Variants in PARD3B observed in about 807,000 individuals in gnomAD.
The protein encoded by PARD3B is par-3 family cell polarity regulator beta.
Under a neutral mutation model 130.2 loss-of-function variants are expected in PARD3B, and 103 were observed. That is an observed-to-expected ratio of 0.79 (90% CI 0.67 to 0.93). PARD3B has a LOEUF of 0.93. Among genes scored for constraint, PARD3B ranks in the 40% least tolerant of loss-of-function variants. The pLI is 0.00. For synonymous variants in PARD3B, 583 were observed against 553.2 expected, an observed-to-expected ratio of 1.05 and a Z score of -0.76; for missense variants, 1,609 against 1,499.2, an observed-to-expected ratio of 1.07 and a Z score of -1.21.
chr2:205,247,875 G>A (rs1003887208), intron 16 of PARD3B, among the ~76,000 whole-genome samples: 1 of 152,134 alleles, frequency 6.6e-6, no homozygotes, highest in South Asian at 2.1e-4. Flanking sequence ...ACTCAAATAA[G>A]GTTCAAAATT....
intron 3 of PARD3B, among the ~76,000 whole-genome samples, chr2:205,039,242 G>A (rs952750400): frequency 6.6e-6 from 1 of 152,020 alleles, no homozygotes; most frequent in African/African-American, 2.4e-5. Flanking sequence ...GTATTGATGG[G>A]AGTAATAGCA....
At chr2:205,068,769 G>C (rs933930456) in intron 4 of PARD3B, among the ~76,000 whole-genome samples, 19 of 151,972 alleles carry the variant, frequency 1.3e-4, no homozygotes, top group African/African-American at 4.6e-4. Context: ...TTTGATTTCT[G>C]TTGACTTCCC....
At chr2:205,194,950 A>ATTT (rs56836818) in intron 15 of PARD3B, among the ~76,000 whole-genome samples, 3,356 of 111,026 alleles carry the variant, frequency 0.03, 160 homozygotes, top group African/African-American at 0.087. Context: ...CGCCAGGCTA[A>ATTT]TTTTTTTTTT....
Position 205,301,107 on chromosome 2 carries a change from GT to G in PARD3B, c.2393-355del, listed in dbSNP as rs1225041251. The stretch of plus-strand genomic sequence containing the variant: ...CGACTGCATTAATTGGGTAGAAGCA[GT>G]TGGGATATTTTGTACTCAAAACTCT... On this transcript the variant is annotated intron_variant, in intron 17 of 22. Transcript: ENST00000406610. This position sits in a 1 kb window ranked among gnomAD's most constrained non-coding sequence, Gnocchi z 5.2. 6.6e-6 allele frequency among the ~76,000 whole-genome samples: 1 copy of G among 152,204 alleles called. No homozygotes were observed. The highest frequency in any genetic ancestry group is 2.4e-5 in the African/African-American group (1 of 41,460).
At chr2:204,811,218 A>T (rs1296069089) in intron 2 of PARD3B, among the ~76,000 whole-genome samples, 1 of 151,942 alleles carries the variant, frequency 6.6e-6, no homozygotes, top group African/African-American at 2.4e-5. Context: ...TAATCTAGCT[A>T]GTGGCCTATC....
rs1399992378 is a variant in PARD3B, at chr2:205,160,819, T to C, written c.1620+1912T>C. Among the ~76,000 whole-genome samples the C allele has an allele frequency of 2.0e-5, 3 of 152,230 alleles. No individual in the cohort carries two copies. The highest frequency in any genetic ancestry group is 2.9e-5 in the Non-Finnish European group (2 of 68,050). On this transcript the variant is annotated intron_variant, in intron 11 of 22. Coordinates refer to ENST00000406610, the MANE Select transcript of PARD3B (RefSeq NM_001302769.2). This position sits in a 1 kb window ranked among gnomAD's most constrained non-coding sequence, Gnocchi z 4.0. ...GGAAATTACAGATTAGACCCTTTAG[T>C]GCCTTTCCTGTGGTCAGATAGCCAG...
At chr2:205,255,917 CT>C (rs1458666560) in intron 16 of PARD3B, among the ~76,000 whole-genome samples, 1 of 152,088 alleles carries the variant, frequency 6.6e-6, no homozygotes, top group Non-Finnish European at 1.5e-5. Flanking sequence ...AGCAACTGAA[CT>C]TTCAGCTCTT....
rs889445541 is a variant in PARD3B at position 205,563,998 on chromosome 2, T to C, written c.3260+10595T>C. 1.3e-5 allele frequency among the ~76,000 whole-genome samples: 2 copies of C among 152,232 alleles called. No individual in the cohort carries two copies. The highest frequency in any genetic ancestry group is 4.8e-5 in the African/African-American group (2 of 41,464). On this transcript the variant is annotated intron_variant, in intron 22 of 22. Coordinates refer to ENST00000406610, the MANE Select transcript of PARD3B (RefSeq NM_001302769.2). This position sits in a 1 kb window ranked among gnomAD's most constrained non-coding sequence, Gnocchi z 4.2. The stretch of plus-strand genomic sequence containing the variant: ...GCTCCAAGAACTCTGGCAAGTACTT[T>C]AAATATGTCACCTCATTTATTTCCT...
At chr2:205,495,484 T>C (rs746640658) in intron 20 of PARD3B, among the ~76,000 whole-genome samples, 7 of 152,220 alleles carry the variant, frequency 4.6e-5, no homozygotes, top group Non-Finnish European at 8.8e-5. Flanking sequence ...GATGAGGTTA[T>C]TGACACTTTT....
intron 2 of PARD3B, among the ~76,000 whole-genome samples, chr2:204,956,039 A>G (rs563730839): frequency 1.3e-5 from 2 of 152,288 alleles, no homozygotes; most frequent in East Asian, 1.9e-4. Context: ...CAATAGTGTT[A>G]TGGTTAAATG....
At chr2:205,454,096 A>C (rs57665264) in intron 20 of PARD3B, among the ~76,000 whole-genome samples, 5,717 of 152,264 alleles carry the variant, frequency 0.038, 371 homozygotes, top group African/African-American at 0.13. Context: ...GTACAAAAGT[A>C]TATCAGAAGC....
chr2:205,439,336 A>G (rs1372934728), intron 19 of PARD3B, among the ~76,000 whole-genome samples: 1 of 152,152 alleles, frequency 6.6e-6, no homozygotes, highest in African/African-American at 2.4e-5. Flanking sequence ...CTGAGCCAGC[A>G]TCGTCTTATC....
At chr2:205,084,823 A>G (rs966634924) in intron 4 of PARD3B, among the ~76,000 whole-genome samples, 1 of 152,010 alleles carries the variant, frequency 6.6e-6, no homozygotes, top group Non-Finnish European at 1.5e-5. Context: ...ATGTCATAGT[A>G]TATGGTCATA....
intron 15 of PARD3B, among the ~76,000 whole-genome samples, chr2:205,208,818 C>T (rs902819280): frequency 6.9e-6 from 1 of 144,258 alleles, no homozygotes; most frequent in Admixed American, 6.8e-5. Flanking sequence ...AGATTCAATG[C>T]CATCCCCATC....
At chr2:205,533,265 A>G (rs950916268) in intron 21 of PARD3B, among the ~76,000 whole-genome samples, 1 of 152,206 alleles carries the variant, frequency 6.6e-6, no homozygotes, top group African/African-American at 2.4e-5. Flanking sequence ...TCATAAATAA[A>G]ACAATTTAGC....
At chr2:205,611,412 G>A (rs2055225437) in intron 22 of PARD3B, among the ~76,000 whole-genome samples, 1 of 152,118 alleles carries the variant, frequency 6.6e-6, no homozygotes, top group Admixed American at 6.6e-5. Flanking sequence ...CTGATTTCCA[G>A]CCCCCCTTTT....
At chr2:204,745,764 T>C (rs1231715978) in intron 2 of PARD3B, among the ~76,000 whole-genome samples, 2 of 152,076 alleles carry the variant, frequency 1.3e-5, no homozygotes, top group Non-Finnish European at 2.9e-5. Flanking sequence ...TCCAAGATTG[T>C]ATCGCTATTA....
chr2:205,488,229 AC>A (rs2049523239), intron 20 of PARD3B, among the ~76,000 whole-genome samples: 1 of 151,504 alleles, frequency 6.6e-6, no homozygotes, highest in Admixed American at 6.6e-5. Context: ...GGCACCAGGG[AC>A]TGGTTTCCTG....
Position 205,172,384 on chromosome 2 carries a change from G to A in PARD3B, c.1791+3G>A. 3.7e-6 allele frequency: 6 copies of A among 1,610,960 alleles called. No homozygotes were observed. Among genetic ancestry groups the A allele is most frequent in the Non-Finnish European group, 5.1e-6 (6 of 1,178,120 alleles). ...GGAGGCCAGAGAGACCAATGGAGGTGATGCAAATCTTGATTCTCCTCAGCC... is the reference window on the plus strand; with the variant it reads ...GGAGGCCAGAGAGACCAATGGAGGTAATGCAAATCTTGATTCTCCTCAGCC... On this transcript the variant is annotated splice_donor_region_variant and intron_variant, in intron 12 of 22. Coordinates refer to ENST00000406610, the MANE Select transcript of PARD3B (RefSeq NM_001302769.2).
Sources: allele counts gnomAD v4.1 joint callset (sites outside exome capture counted in the v4.1 genomes callset), GRCh38; gene constraint gnomAD v4.1.1; non-coding constraint Gnocchi (gnomAD v3.1); transcripts MANE v1.5; gene names NCBI Gene and HGNC (gene_info 2026-07-23, HGNC 2026-07-21).